The following RGS6 variants were observed in gnomAD, a reference collection of about 807,000 sequenced individuals.
RGS6 encodes the protein regulator of G protein signaling 6, also known as regulator of G-protein signaling 6.
RGS6 carries 30 observed loss-of-function variants against 78.5 expected under a neutral mutation model. The ratio of observed to expected loss-of-function variants is 0.38; its 90% confidence interval spans 0.29 to 0.52. The LOEUF (loss-of-function observed/expected upper bound fraction) is 0.52, where lower values mean the gene tolerates loss of function less well. Among genes scored for constraint, RGS6 ranks in the 20% least tolerant of loss-of-function variants. The pLI is 0.85. For missense variants in RGS6, 495 were observed against 609.7 expected, an observed-to-expected ratio of 0.81 and a Z score of 1.98; for synonymous variants, 206 against 206.0, an observed-to-expected ratio of 1.00 and a Z score of 0.00.
At chr14:71,885,785 A>G in the RGS6 span, among the ~76,000 whole-genome samples, 1 of 152,070 alleles carries the variant, frequency 6.6e-6, no homozygotes, top group Non-Finnish European at 1.5e-5. Context: ...ACTTTTAGAG[A>G]AGACCCTGTC....
intron 15 of RGS6, among the ~76,000 whole-genome samples, chr14:72,521,798 A>G (rs979059268): frequency 3.3e-5 from 5 of 152,176 alleles, no homozygotes; most frequent in African/African-American, 1.2e-4. Flanking sequence ...CAGGGATACA[A>G]TGGAGCCTAC....
At chr14:72,048,639 T>G (rs546842426) in intron 2 of RGS6, among the ~76,000 whole-genome samples, 47 of 152,312 alleles carry the variant, frequency 3.1e-4, no homozygotes, top group African/African-American at 1.1e-3. Context: ...TAGGTTAGCT[T>G]TCTTACAATA....
chr14:71,967,307 A>C (rs189005385), intron 2 of RGS6, among the ~76,000 whole-genome samples: 76 of 152,182 alleles, frequency 5.0e-4, no homozygotes, highest in African/African-American at 1.8e-3. Flanking sequence ...GTGTGAGCTC[A>C]GGTCCTGACA....
At chr14:72,105,368 A>G (rs1468429082) in intron 2 of RGS6, among the ~76,000 whole-genome samples, 2 of 152,112 alleles carry the variant, frequency 1.3e-5, no homozygotes, top group South Asian at 2.1e-4. Flanking sequence ...TTCTTTTTCT[A>G]TGTTAATATT....
intron 2 of RGS6, among the ~76,000 whole-genome samples, chr14:72,326,020 T>G (rs2073658351): frequency 6.6e-6 from 1 of 152,224 alleles, no homozygotes; most frequent in Admixed American, 6.5e-5. Context: ...ATCTCCTGAC[T>G]CAGAAATTTC....
At chr14:72,619,570 C>T in the RGS6 span, among the ~76,000 whole-genome samples, 1 of 152,164 alleles carries the variant, frequency 6.6e-6, no homozygotes, top group Non-Finnish European at 1.5e-5. Context: ...TTATCAAGAC[C>T]CTCACTACTA....
chr14:72,600,960 A>AAGG, the RGS6 span, among the ~76,000 whole-genome samples: 16 of 146,024 alleles, frequency 1.1e-4, no homozygotes, highest in African/African-American at 3.1e-4. Context: ...GGGGGAAGGA[A>AAGG]AGGAGGAGGA....
At chr14:72,141,907 A>C (rs946962139) in intron 2 of RGS6, among the ~76,000 whole-genome samples, 6 of 149,306 alleles carry the variant, frequency 4.0e-5, no homozygotes, top group Non-Finnish European at 8.9e-5. Context: ...AAAAAAAAAC[A>C]AAACCCAAAG....
At chr14:71,930,308 A>C, upstream of RGS6, among the ~76,000 whole-genome samples, 2 of 152,052 alleles carry the variant, frequency 1.3e-5, 1 homozygote, top group Middle Eastern at 6.3e-3. Flanking sequence ...CAATTTTCTT[A>C]ATGTATTTAC....
chr14:72,311,814 A>C (rs1022586197), intron 2 of RGS6, among the ~76,000 whole-genome samples: 2 of 152,256 alleles, frequency 1.3e-5, no homozygotes, highest in African/African-American at 4.8e-5. Context: ...TTTTAGAGCC[A>C]TGGCAACCAG....
chr14:72,244,523 G>C lies in RGS6; in HGVS notation c.85-107572G>C, dbSNP rs150260730. On this transcript the variant is annotated intron_variant, in intron 2 of 17. Transcript: ENST00000553525. Reference sequence around the variant, plus strand: ...TGTCATCTTTTCTGCCTCCCATTGGGGACTGTGAAGTTATTCCAAGGACAG... The same window carrying C: ...TGTCATCTTTTCTGCCTCCCATTGGCGACTGTGAAGTTATTCCAAGGACAG... Among the ~76,000 whole-genome samples the C allele has an allele frequency of 3.2e-4, 49 of 152,220 alleles. No individual in the cohort carries two copies. The East Asian group carries it at 5.4e-3, about 17-fold the overall frequency.
intron 2 of RGS6, among the ~76,000 whole-genome samples, chr14:72,168,353 C>T (rs2096958745): frequency 6.6e-6 from 1 of 152,102 alleles, no homozygotes; most frequent in Non-Finnish European, 1.5e-5. Context: ...TCCTTCAGGC[C>T]CTGAGAGTGG....
chr14:71,964,193 A>G (rs563435977), intron 1 of RGS6, among the ~76,000 whole-genome samples: 10 of 152,348 alleles, frequency 6.6e-5, no homozygotes, highest in Middle Eastern at 3.4e-3. Context: ...ATTGGCTTCA[A>G]CTGTCTTCAG....
chr14:72,617,111 G>A, the RGS6 span, among the ~76,000 whole-genome samples: 1 of 152,204 alleles, frequency 6.6e-6, no homozygotes, highest in African/African-American at 2.4e-5. Flanking sequence ...TGTGTAGGCA[G>A]AGCAGACATG....
chr14:72,603,204 T>G, the RGS6 span, among the ~76,000 whole-genome samples: 3 of 152,340 alleles, frequency 2.0e-5, no homozygotes, highest in South Asian at 6.2e-4. Flanking sequence ...ATAGTGGATT[T>G]CCTTTAAGAG....
At position 72,011,548 on chromosome 14, in the gene RGS6, T is replaced by G. The variant is rs541707376; in HGVS notation, c.84+46673T>G. On this transcript the variant is annotated intron_variant, in intron 2 of 17. Coordinates refer to ENST00000553525, the MANE Select transcript of RGS6 (RefSeq NM_001204424.2). Reference sequence around the variant, plus strand: ...AAAAACCCAGGAGATTGGAAGGAATTCATATTTGTCAAAAAATGTGTAGCT... The same window carrying G: ...AAAAACCCAGGAGATTGGAAGGAATGCATATTTGTCAAAAAATGTGTAGCT... Among the ~76,000 whole-genome samples the G allele has an allele frequency of 2.5e-3, 369 of 150,192 alleles. 3 individuals carry two copies. The highest frequency in any genetic ancestry group is 8.5e-3 in the African/African-American group (350 of 40,936).
intron 2 of RGS6, among the ~76,000 whole-genome samples, chr14:72,244,288 C>A (rs1180151232): frequency 6.9e-6 from 1 of 144,292 alleles, no homozygotes; most frequent in Non-Finnish European, 1.5e-5. Flanking sequence ...GGAGATTTTC[C>A]ATTTCAGGCT....
intron 2 of RGS6, among the ~76,000 whole-genome samples, chr14:72,085,476 A>G (rs1226059817): frequency 6.6e-6 from 1 of 152,014 alleles, no homozygotes; most frequent in Non-Finnish European, 1.5e-5. Flanking sequence ...CAGCCCAGAG[A>G]TTTGTTGGTT....
intron 1 of RGS6, among the ~76,000 whole-genome samples, chr14:71,948,736 C>CTTT (rs1566889959): frequency 1.9e-5 from 1 of 53,884 alleles, no homozygotes; most frequent in African/African-American, 1.2e-4. Flanking sequence ...TTCTCTCTCT[C>CTTT]TCTCTTTTTT....
Sources: gnomAD v4.1 joint callset for allele counts (sites outside exome capture counted in the v4.1 genomes callset) on GRCh38, gnomAD v4.1.1 for gene constraint, MANE v1.5 for transcripts, NCBI Gene and HGNC (gene_info 2026-07-23, HGNC 2026-07-21) for gene names.